VPS54: variants seen among roughly 807,000 people sequenced by gnomAD.
The protein encoded by VPS54 is VPS54 subunit of GARP complex.
A neutral mutation model predicts 121.5 loss-of-function variants in VPS54; 45 were observed. The ratio of observed to expected loss-of-function variants is 0.37; its 90% CI spans 0.29 to 0.47. The LOEUF is 0.47. Among genes scored for constraint, VPS54 ranks in the 20% least tolerant of loss-of-function variants. The pLI is 0.99. For missense variants in VPS54, 1,090 were observed against 1,131.4 expected (o/e 0.96, Z 0.52); for synonymous variants, 371 against 385.8 (o/e 0.96, Z 0.45).
At chr2:63,935,350 T>G (rs1387136102) in intron 11 of VPS54, among the ~76,000 whole-genome samples, 1 of 152,174 alleles carries the variant, frequency 6.6e-6, no homozygotes, top group African/African-American at 2.4e-5. Flanking sequence ...CCAAAGTGTC[T>G]ACTATGGATA....
chr2:64,018,590 G>T (rs1046855005), intron 1 of VPS54, among the ~76,000 whole-genome samples: 7 of 152,048 alleles, frequency 4.6e-5, no homozygotes, highest in African/African-American at 1.7e-4. Flanking sequence ...GCTGGAAAAA[G>T]AAAAGGAAAG....
At chr2:63,965,758 A>T (rs1398657270) in intron 6 of VPS54, 77 bp downstream of exon 6, 1 of 1,556,168 alleles carries the variant, frequency 6.4e-7, no homozygotes, top group Admixed American at 2.2e-5. Context: ...TTACTAAATA[A>T]CTAAATCTGA....
chr2:63,942,441 A>T (rs1243210418), intron 11 of VPS54, 24 bp downstream of exon 11: 1 of 1,515,988 alleles, frequency 6.6e-7, no homozygotes, highest in Non-Finnish European at 8.9e-7. Context: ...GGGATATTCT[A>T]GACAAACTAA....
chr2:63,996,351 G>A (rs1018310646), intron 1 of VPS54, among the ~76,000 whole-genome samples: 13 of 152,106 alleles, frequency 8.5e-5, no homozygotes, highest in Non-Finnish European at 1.5e-4. Flanking sequence ...TCCTATGCCT[G>A]TCTTTACTTT....
intron 11 of VPS54, among the ~76,000 whole-genome samples, chr2:63,937,245 C>G (rs182907913): frequency 6.6e-6 from 1 of 151,928 alleles, no homozygotes; most frequent in Non-Finnish European, 1.5e-5. Flanking sequence ...TTGTAAATCA[C>G]GTATATGATA....
At chr2:64,003,292 GGCATTTT>G in intron 1 of VPS54, among the ~76,000 whole-genome samples, 1 of 152,218 alleles carries the variant, frequency 6.6e-6, no homozygotes, top group East Asian at 1.9e-4. Context: ...AAACAAATTT[GGCATTTT>G]AACAATTGTA....
At chr2:63,913,374 T>C in intron 17 of VPS54, 64 bp from the exon 18 acceptor site, 2 of 1,216,146 alleles carry the variant, frequency 1.6e-6, no homozygotes, top group Non-Finnish European at 2.3e-6. Flanking sequence ...ATCCTGGCAA[T>C]GTGCTATTAT....
intron 7 of VPS54, among the ~76,000 whole-genome samples, chr2:63,957,559 A>C (rs577604847): frequency 1.1e-4 from 16 of 152,252 alleles, no homozygotes; most frequent in Admixed American, 1.0e-3. Context: ...AAATGTACAA[A>C]AGAATAATAA....
intron 1 of VPS54, among the ~76,000 whole-genome samples, chr2:63,998,115 T>C (rs549853903): frequency 2.0e-5 from 3 of 152,322 alleles, no homozygotes; most frequent in African/African-American, 7.2e-5. Context: ...GCTTTATATA[T>C]GAGTGCTCCA....
intron 6 of VPS54, among the ~76,000 whole-genome samples, chr2:63,965,088 TA>T (rs1675931815): frequency 6.6e-6 from 1 of 152,210 alleles, no homozygotes; most frequent in Admixed American, 6.5e-5. Context: ...TTCTTTAAGA[TA>T]TTTTTGTTTC....
chr2:63,912,176 C>A (rs551828781), intron 20 of VPS54, among the ~76,000 whole-genome samples, 169 bp downstream of exon 20: 2 of 152,196 alleles, frequency 1.3e-5, no homozygotes, highest in East Asian at 3.9e-4. Flanking sequence ...GTCTTGGTCA[C>A]AGCACATGGT....
At position 63,920,493 on chromosome 2, in the gene VPS54, A is replaced by T; in HGVS notation, c.2004T>A (p.Ala668=). ...CATGAAACCTATTTACAAACTTAAT[A>T]GCTTGGCTCTGAAGTGCTCCAAGTA... ...TSLLGALQSQ[A]IKFVNRFHEE... The change falls in exon 14 of 23, where the codon GCT becomes GCA. Residue 668 remains alanine (A), a synonymous_variant. Transcript: ENST00000272322. 1 of 1,571,954 alleles carries T rather than the reference A, an allele frequency of 6.4e-7. No individual in the cohort carries two copies.
chr2:63,895,155 A>T (rs1178451405), intron 22 of VPS54, among the ~76,000 whole-genome samples: 1 of 152,154 alleles, frequency 6.6e-6, no homozygotes, highest in Non-Finnish European at 1.5e-5. Context: ...AAAAAATCAC[A>T]TTAAAAAGTA....
intron 1 of VPS54, among the ~76,000 whole-genome samples, chr2:63,986,186 C>T (rs1677041955): frequency 6.6e-6 from 1 of 152,148 alleles, no homozygotes; most frequent in Non-Finnish European, 1.5e-5. Flanking sequence ...ACTCTAATCA[C>T]CCTGTTAGGC....
intron 7 of VPS54, among the ~76,000 whole-genome samples, chr2:63,958,798 G>T (rs1238258046): frequency 2.0e-5 from 3 of 152,106 alleles, no homozygotes; most frequent in African/African-American, 7.2e-5. Context: ...TCATAAAATG[G>T]AAAGACTATT....
At chr2:63,911,108 G>C (rs1673130254) in intron 20 of VPS54, among the ~76,000 whole-genome samples, 1 of 152,134 alleles carries the variant, frequency 6.6e-6, no homozygotes, top group Non-Finnish European at 1.5e-5. Context: ...TAGATGGTAA[G>C]CTTCTTGAGA....
At chr2:63,914,350 A>C in intron 16 of VPS54, 63 bp from the exon 17 acceptor site, 1 of 1,155,374 alleles carries the variant, frequency 8.7e-7, no homozygotes, top group Non-Finnish European at 1.3e-6. Flanking sequence ...AGGATTTGGC[A>C]TATAAAAATC....
intron 2 of VPS54, among the ~76,000 whole-genome samples, chr2:63,982,910 C>T (rs1243129496): frequency 6.6e-6 from 1 of 152,160 alleles, no homozygotes; most frequent in African/African-American, 2.4e-5. Context: ...TTTCACTGCT[C>T]TGCACATGAC....
chr2:64,009,697 C>T (rs144975751), intron 1 of VPS54, among the ~76,000 whole-genome samples: 1 of 152,146 alleles, frequency 6.6e-6, no homozygotes, highest in Non-Finnish European at 1.5e-5. Context: ...AAATATACTA[C>T]TTTGGCGCAT....
Sources: allele counts gnomAD v4.1 joint callset (sites outside exome capture counted in the v4.1 genomes callset), GRCh38; gene constraint gnomAD v4.1.1; transcripts MANE v1.5; gene names NCBI Gene and HGNC (gene_info 2026-07-23, HGNC 2026-07-21).